KCNB2: variants seen among roughly 807,000 people sequenced by gnomAD.
KCNB2 encodes delayed rectifier potassium channel protein.
A neutral mutation model predicts 61.5 loss-of-function variants in KCNB2; 15 were observed. That is an observed-to-expected ratio of 0.24 (90% confidence interval 0.16 to 0.38). KCNB2 has a LOEUF of 0.38. Ranked by LOEUF, KCNB2 falls within the 10% of genes least tolerant of loss-of-function variation. KCNB2 has a pLI of 1.00. For missense variants in KCNB2, 828 were observed against 1,125.2 expected (o/e 0.74, Z 3.78); for synonymous variants, 457 against 446.0 (o/e 1.02, Z -0.31).
At position 72,686,874 on chromosome 8, in the gene KCNB2, T is replaced by C. The variant is rs543813350; in HGVS notation, c.579+118561T>C. On this transcript the variant is annotated intron_variant, in intron 2 of 2. Coordinates refer to ENST00000523207, the MANE Select transcript of KCNB2 (RefSeq NM_004770.3). The stretch of plus-strand genomic sequence containing the variant: ...ATTAAATGTATGACCTAAATAGCCA[T>C]CTTAAAATTATTTTATTCTCCAGGA... Among the ~76,000 whole-genome samples, 5 of 152,308 alleles carry C rather than the reference T, an allele frequency of 3.3e-5. No homozygotes were observed. In the East Asian group the frequency reaches 9.7e-4, roughly 29 times the overall value.
intron 2 of KCNB2, among the ~76,000 whole-genome samples, chr8:72,598,232 C>T (rs1807231846): frequency 6.6e-6 from 1 of 152,172 alleles, no homozygotes; most frequent in South Asian, 2.1e-4. Context: ...TCCAGCAGCA[C>T]ATCAAAAAGC....
intron 2 of KCNB2, among the ~76,000 whole-genome samples, chr8:72,763,154 C>G (rs1808411368): frequency 6.6e-6 from 1 of 151,838 alleles, no homozygotes; most frequent in African/African-American, 2.4e-5. Context: ...GAAAGGGCTT[C>G]TCTCTAGAGT....
intron 2 of KCNB2, among the ~76,000 whole-genome samples, chr8:72,603,755 A>C (rs971394334): frequency 6.6e-6 from 1 of 152,216 alleles, no homozygotes; most frequent in African/African-American, 2.4e-5. Context: ...AGATGAGATC[A>C]CACTGGAGTA....
At chr8:72,789,219 AC>A (rs1357070284) in intron 2 of KCNB2, among the ~76,000 whole-genome samples, 1 of 152,174 alleles carries the variant, frequency 6.6e-6, no homozygotes, top group African/African-American at 2.4e-5. Context: ...CTTTATATTC[AC>A]CATCTCATCT....
intron 2 of KCNB2, among the ~76,000 whole-genome samples, chr8:72,693,619 C>T (rs752514423): frequency 2.0e-5 from 3 of 152,136 alleles, no homozygotes; most frequent in East Asian, 1.9e-4. Flanking sequence ...ATAGGCAGTT[C>T]GTAATATTCC....
intron 2 of KCNB2, among the ~76,000 whole-genome samples, chr8:72,653,583 T>G (rs543749369): frequency 6.6e-6 from 1 of 150,978 alleles, no homozygotes; most frequent in Non-Finnish European, 1.5e-5. Context: ...CATTATTACC[T>G]AATGAGGAAT....
chr8:72,709,462 T>G (rs1807289091), intron 2 of KCNB2, among the ~76,000 whole-genome samples: 1 of 151,778 alleles, frequency 6.6e-6, no homozygotes, highest in African/African-American at 2.4e-5. Flanking sequence ...GGAAGCACGG[T>G]GCCGGCATCT....
At chr8:72,727,312 T>TAAAACTGAAAACTCAGAAATAGGGATA (rs1807668319) in intron 2 of KCNB2, among the ~76,000 whole-genome samples, 1 of 152,286 alleles carries the variant, frequency 6.6e-6, no homozygotes, top group East Asian at 1.9e-4. Flanking sequence ...ATTTTAGCAA[T>TAAAACTGAAAACTCAGAAATAGGGATA]AAAACTGAAA....
chr8:72,553,989 T>G (rs1806383359), intron 1 of KCNB2, among the ~76,000 whole-genome samples: 3 of 152,116 alleles, frequency 2.0e-5, no homozygotes, highest in Non-Finnish European at 4.4e-5. Context: ...GCATACTATA[T>G]TCCACAAAGC....
intron 2 of KCNB2, among the ~76,000 whole-genome samples, chr8:72,863,839 G>A (rs995790307): frequency 1.3e-5 from 2 of 152,100 alleles, no homozygotes; most frequent in East Asian, 1.9e-4. Context: ...GCGAAACCTC[G>A]TCTCTACAAA....
chr8:72,608,936 A>G (rs1303215999), intron 2 of KCNB2, among the ~76,000 whole-genome samples: 1 of 152,214 alleles, frequency 6.6e-6, no homozygotes, highest in African/African-American at 2.4e-5. Flanking sequence ...AAGATGTTCA[A>G]ACAAGTGATT....
intron 2 of KCNB2, among the ~76,000 whole-genome samples, chr8:72,851,869 G>T (rs1810122515): frequency 7.7e-6 from 1 of 130,330 alleles, no homozygotes; most frequent in African/African-American, 2.8e-5. Flanking sequence ...TGAGTTCCAG[G>T]ATTTTCCCTA....
chr8:72,614,727 C>T (rs1235335049), intron 2 of KCNB2, among the ~76,000 whole-genome samples: 2 of 152,102 alleles, frequency 1.3e-5, no homozygotes, highest in African/African-American at 2.4e-5. Context: ...GTCTCCCTTC[C>T]GTTGGTTCTG....
chr8:72,812,052 A>G (rs1436058272), intron 2 of KCNB2, among the ~76,000 whole-genome samples: 1 of 152,190 alleles, frequency 6.6e-6, no homozygotes, highest in Non-Finnish European at 1.5e-5. Flanking sequence ...ACTTGAGGCC[A>G]GGAGTTCAAG....
intron 2 of KCNB2, among the ~76,000 whole-genome samples, chr8:72,573,002 G>A (rs776536988): frequency 6.6e-6 from 1 of 152,124 alleles, no homozygotes; most frequent in Non-Finnish European, 1.5e-5. Context: ...TGGCAGATGG[G>A]CAGTCTGTGC....
At chr8:72,545,718 G>T (rs1806248629) in intron 1 of KCNB2, among the ~76,000 whole-genome samples, 1 of 152,142 alleles carries the variant, frequency 6.6e-6, no homozygotes, top group South Asian at 2.1e-4. Flanking sequence ...TCAAAAGCTA[G>T]AAAGGATTAA....
chr8:72,794,315 C>T (rs889695369), intron 2 of KCNB2, among the ~76,000 whole-genome samples: 3 of 151,954 alleles, frequency 2.0e-5, no homozygotes, highest in African/African-American at 7.3e-5. Context: ...GCCTGTAATC[C>T]CAGCACTTTG....
chr8:72,915,710 G>A (rs1017784978), intron 2 of KCNB2, among the ~76,000 whole-genome samples: 3 of 152,108 alleles, frequency 2.0e-5, no homozygotes, highest in African/African-American at 7.2e-5. Context: ...ATGAGGTCAG[G>A]AGATCAATAC....
At chr8:72,561,009 G>A (rs1019757272) in intron 1 of KCNB2, among the ~76,000 whole-genome samples, 2 of 152,048 alleles carry the variant, frequency 1.3e-5, no homozygotes, top group Non-Finnish European at 2.9e-5. Flanking sequence ...GATATTGAAA[G>A]ATGCTCATAT....
Sources: allele counts gnomAD v4.1 joint callset (sites outside exome capture counted in the v4.1 genomes callset), GRCh38; gene constraint gnomAD v4.1.1; transcripts MANE v1.5; gene names NCBI Gene and HGNC (gene_info 2026-07-23, HGNC 2026-07-21).